TRPC5: variants seen among roughly 807,000 people sequenced by gnomAD.
TRPC5 encodes the protein short transient receptor potential channel 5.
Under a neutral mutation model 56.5 loss-of-function variants are expected in TRPC5, and 9 were observed. That is an observed-to-expected ratio of 0.16 (90% CI 0.10 to 0.28). The LOEUF (loss-of-function observed/expected upper bound fraction) is 0.28. Among genes scored for constraint, TRPC5 ranks in the 10% least tolerant of loss-of-function variants. TRPC5 has a pLI of 1.00. For synonymous variants in TRPC5, 282 were observed against 278.5 expected (o/e 1.01, Z -0.13); for missense variants, 469 against 748.9 (o/e 0.63, Z 4.36).
chrX:111,926,028 C>G (rs999084857), intron 2 of TRPC5, among the ~76,000 whole-genome samples: 2 of 112,050 alleles, frequency 1.8e-5, no homozygotes, highest in Non-Finnish European at 3.8e-5. Context: ...AATTGATAGC[C>G]AAAAATATCT....
intron 2 of TRPC5, among the ~76,000 whole-genome samples, chrX:111,913,434 G>A (rs1925878781): frequency 9.0e-6 from 1 of 110,807 alleles, no homozygotes; most frequent in Non-Finnish European, 1.9e-5. Context: ...GTCCCAGGAA[G>A]GTAAAGATGA....
chrX:111,860,853 T>C (rs939820962), intron 3 of TRPC5, among the ~76,000 whole-genome samples: 1 of 112,043 alleles, frequency 8.9e-6, no homozygotes, highest in Non-Finnish European at 1.9e-5. Flanking sequence ...AGGGGTCCTG[T>C]GCAGCACCCA....
chrX:111,796,228 T>C (rs1013324612), intron 7 of TRPC5, among the ~76,000 whole-genome samples: 62 of 111,921 alleles, frequency 5.5e-4, no homozygotes, highest in African/African-American at 1.9e-3. Context: ...TAGTTTCCTT[T>C]CATTCTTTAG....
intron 2 of TRPC5, 57 bp from the exon 3 acceptor site, chrX:111,912,869 C>T (rs1031903731): frequency 8.2e-6 from 9 of 1,101,586 alleles, no homozygotes; most frequent in Admixed American, 2.6e-5. Flanking sequence ...GAGAGAGAAG[C>T]ATAGGGCCTA....
chrX:111,835,889 T>C lies in TRPC5; in HGVS notation c.1701-773A>G, dbSNP rs192199298. Reference sequence around the variant, plus strand: ...ACTTTATACAGATAATTGTTAATGATATATTAACCAACTGTTATTGAGGCT... The same window carrying C: ...ACTTTATACAGATAATTGTTAATGACATATTAACCAACTGTTATTGAGGCT... On this transcript the variant is annotated intron_variant, in intron 6 of 10. Coordinates refer to ENST00000262839, the MANE Select transcript of TRPC5 (RefSeq NM_012471.3). Among the ~76,000 whole-genome samples the C allele has an allele frequency of 1.2e-4, 13 of 112,296 alleles. No homozygotes were observed. In the East Asian group the frequency reaches 3.4e-3, roughly 29 times the overall value.
intron 2 of TRPC5, among the ~76,000 whole-genome samples, chrX:111,924,438 G>T (rs975691000): frequency 5.5e-5 from 6 of 108,974 alleles, no homozygotes; most frequent in Non-Finnish European, 9.5e-5. Context: ...AAAAAGGCCT[G>T]AAAGTAGCCT....
chrX:112,060,335 T>C (rs1293470577), intron 1 of TRPC5, among the ~76,000 whole-genome samples: 1 of 112,037 alleles, frequency 8.9e-6, no homozygotes, highest in Non-Finnish European at 1.9e-5. Context: ...CAGGGCAACC[T>C]GCATCTATTC....
chrX:111,834,090 TAA>T (rs1922492404), intron 7 of TRPC5, among the ~76,000 whole-genome samples: 1 of 111,722 alleles, frequency 9.0e-6, no homozygotes, highest in Admixed American at 9.5e-5. Context: ...TAAAATAAAA[TAA>T]GCTAAGGTTA....
intron 7 of TRPC5, among the ~76,000 whole-genome samples, chrX:111,782,841 A>ACACACACACG (rs55909429): frequency 4.6e-5 from 5 of 108,873 alleles, no homozygotes; most frequent in African/African-American, 1.7e-4. Flanking sequence ...ACACACACAC[A>ACACACACACG]TCAGTGTACA....
At chrX:112,070,825 A>G (rs150895548) in intron 1 of TRPC5, among the ~76,000 whole-genome samples, 66 of 110,030 alleles carry the variant, frequency 6.0e-4, no homozygotes, top group African/African-American at 2.2e-3. Flanking sequence ...TTCTATTTGT[A>G]TAGACATCAT....
intron 1 of TRPC5, among the ~76,000 whole-genome samples, chrX:112,062,776 A>G (rs998839885): frequency 2.7e-5 from 3 of 111,841 alleles, no homozygotes; most frequent in African/African-American, 9.8e-5. Context: ...ACTTTATCCT[A>G]TAGGTAGTGG....
intron 5 of TRPC5, among the ~76,000 whole-genome samples, chrX:111,850,551 C>A (rs1923056797): frequency 9.0e-6 from 1 of 111,569 alleles, no homozygotes; most frequent in Non-Finnish European, 1.9e-5. Flanking sequence ...ACCTGATTAT[C>A]CCCATTTATA....
intron 1 of TRPC5, among the ~76,000 whole-genome samples, chrX:111,994,966 T>G (rs889306695): frequency 6.3e-5 from 7 of 111,943 alleles, no homozygotes; most frequent in African/African-American, 2.3e-4. Context: ...TTCTTTCTCT[T>G]GCCTGATTGC....
At chrX:111,952,750 G>A (rs1158201089) in intron 1 of TRPC5, among the ~76,000 whole-genome samples, 2 of 110,958 alleles carry the variant, frequency 1.8e-5, no homozygotes, top group Non-Finnish European at 1.9e-5. Context: ...AATATTACTC[G>A]CAGTTATCAT....
At chrX:111,841,938 T>C (rs933091396) in intron 6 of TRPC5, among the ~76,000 whole-genome samples, 5 of 107,105 alleles carry the variant, frequency 4.7e-5, no homozygotes, top group African/African-American at 1.7e-4. Flanking sequence ...CTCAAACTCC[T>C]TACCTTAGGT....
rs1367925558 is a variant in TRPC5 at position 111,912,708 on chromosome X, A to T, written c.483T>A (p.Leu161=). The change falls in exon 3 of 11, where the codon CTT becomes CTA. Residue 161 remains leucine, a synonymous_variant. Transcript: ENST00000262839. The part of the protein sequence containing the change: ...HTNNYEIIKL[L]VQKRVTIPRP... ...GTGGGATAGTGACCCGTTTTTGGAC[A>T]AGCAATTTGATGATTTCGTAGTTGT... is the stretch of plus-strand genomic sequence containing the variant. 3 of 1,208,192 alleles carry T rather than the reference A, an allele frequency of 2.5e-6. No individual in the cohort carries two copies. The highest frequency in any genetic ancestry group is 2.2e-5 in the Admixed American group (1 of 45,616).
At chrX:111,798,656 TAAAAA>T (rs1250088633) in intron 7 of TRPC5, among the ~76,000 whole-genome samples, 1 of 105,015 alleles carries the variant, frequency 9.5e-6, no homozygotes, top group African/African-American at 3.5e-5. Context: ...ATTGTAAAAA[TAAAAA>T]AAAAAGGAAA....
intron 5 of TRPC5, among the ~76,000 whole-genome samples, chrX:111,848,308 A>G (rs1346233149): frequency 9.0e-6 from 1 of 111,387 alleles, no homozygotes; most frequent in Non-Finnish European, 1.9e-5. Flanking sequence ...CTGAGCTCCA[A>G]TTTGGGCATT....
chrX:111,969,496 A>G (rs1603123796), intron 1 of TRPC5, among the ~76,000 whole-genome samples: 1 of 112,053 alleles, frequency 8.9e-6, no homozygotes, highest in East Asian at 2.8e-4. Flanking sequence ...ATAAAAATAC[A>G]TGGAGGATAT....
Sources: allele counts gnomAD v4.1 joint callset (sites outside exome capture counted in the v4.1 genomes callset), GRCh38; gene constraint gnomAD v4.1.1; transcripts MANE v1.5; gene names NCBI Gene and HGNC (gene_info 2026-07-23, HGNC 2026-07-21).